Variants in PCDH9 observed in about 807,000 individuals in gnomAD.
PCDH9 encodes protocadherin 9.
A neutral mutation model predicts 70.6 loss-of-function variants in PCDH9; 24 were observed. The observed-to-expected ratio is 0.34, with a 90% CI of 0.25 to 0.48. The LOEUF is 0.48. PCDH9 is among the 20% of genes least tolerant of loss of function. The pLI is 0.99. For synonymous variants in PCDH9, 562 were observed against 558.5 expected (o/e 1.01, Z -0.09); for missense variants, 1,281 against 1,503.6 (o/e 0.85, Z 2.45).
intron 4 of PCDH9, among the ~76,000 whole-genome samples, chr13:66,545,817 T>TATTTA (rs1961162621): frequency 6.7e-6 from 1 of 148,810 alleles, no homozygotes; most frequent in Non-Finnish European, 1.5e-5. Context: ...TACTTTATTT[T>TATTTA]ATTTTATTTT....
chr13:66,384,387 GTTTT>G (rs1956894220), intron 4 of PCDH9, among the ~76,000 whole-genome samples: 2 of 152,012 alleles, frequency 1.3e-5, no homozygotes, highest in African/African-American at 2.4e-5. Flanking sequence ...ATGTTAAACT[GTTTT>G]TGTTGTTCTA....
chr13:67,150,254 C>T (rs936312722), intron 2 of PCDH9, among the ~76,000 whole-genome samples: 1 of 152,060 alleles, frequency 6.6e-6, no homozygotes. Context: ...CCAGGCTGGC[C>T]TCGAACTCCC....
chr13:66,712,607 AAG>A (rs1427486177), intron 3 of PCDH9, among the ~76,000 whole-genome samples: 1 of 152,192 alleles, frequency 6.6e-6, no homozygotes, highest in Non-Finnish European at 1.5e-5. Flanking sequence ...CCAAGCTTCA[AAG>A]AAGTCCTTTG....
chr13:67,099,819 T>G (rs1025847972), intron 2 of PCDH9, among the ~76,000 whole-genome samples: 1 of 152,202 alleles, frequency 6.6e-6, no homozygotes, highest in Non-Finnish European at 1.5e-5. Flanking sequence ...CAACCCTTCA[T>G]CTAGCTTCTT....
chr13:67,178,328 C>T (rs1335343840), intron 2 of PCDH9, among the ~76,000 whole-genome samples: 6 of 152,004 alleles, frequency 3.9e-5, no homozygotes, highest in Non-Finnish European at 8.8e-5. Flanking sequence ...TTCTTTATGT[C>T]TCAAGTCTTT....
At chr13:66,904,777 ATATATTTAAATATATGTTAAAGCAC>A (rs1381293292) in intron 2 of PCDH9, among the ~76,000 whole-genome samples, 1 of 151,966 alleles carries the variant, frequency 6.6e-6, no homozygotes, top group East Asian at 1.9e-4. Flanking sequence ...CCATCATTTT[ATATATTTAAATATATGTTAAAGCAC>A]TGTCATTACA....
intron 3 of PCDH9, among the ~76,000 whole-genome samples, chr13:66,734,912 A>C (rs1167403554): frequency 2.0e-5 from 3 of 152,194 alleles, no homozygotes; most frequent in Non-Finnish European, 4.4e-5. Context: ...TACCGAACGC[A>C]GTTGGTCCTT....
intron 2 of PCDH9, among the ~76,000 whole-genome samples, chr13:67,172,346 C>T (rs1477711091): frequency 1.3e-5 from 2 of 152,136 alleles, no homozygotes; most frequent in South Asian, 2.1e-4. Context: ...TTTCAGAAAA[C>T]TTGTAATGTC....
At chr13:66,848,013 AT>A (rs1295633159) in intron 3 of PCDH9, among the ~76,000 whole-genome samples, 4 of 152,176 alleles carry the variant, frequency 2.6e-5, no homozygotes, top group African/African-American at 9.6e-5. Context: ...ATGTGTGTTT[AT>A]GTTTTTAGTT....
Position 67,000,727 on chromosome 13 carries a change from C to T in PCDH9, c.3037-97122G>A, listed in dbSNP as rs556508429. On this transcript the variant is annotated intron_variant, in intron 2 of 4. Transcript: ENST00000377865. ...ATAATAGAATCAATATTTCTTTGTG[C>T]AGTAAGAAACTAATACCATTCTTAA... 4.3e-4 allele frequency among the ~76,000 whole-genome samples: 66 copies of T among 152,156 alleles called. 1 individual carries two copies. In the South Asian group the frequency reaches 0.013, roughly 30 times the overall value.
At chr13:67,134,968 G>A (rs2087199418) in intron 2 of PCDH9, among the ~76,000 whole-genome samples, 1 of 152,070 alleles carries the variant, frequency 6.6e-6, no homozygotes, top group Non-Finnish European at 1.5e-5. Flanking sequence ...CCAATGAAAA[G>A]TGAAAAGTGA....
At chr13:66,884,087 A>T (rs2081968365) in intron 3 of PCDH9, among the ~76,000 whole-genome samples, 1 of 151,438 alleles carries the variant, frequency 6.6e-6, no homozygotes, top group Admixed American at 6.6e-5. Flanking sequence ...TTTAGTAGAG[A>T]TGGTTTCACT....
At chr13:67,218,447 A>C (rs2089655559) in intron 2 of PCDH9, 1 of 152,090 alleles carries the variant, frequency 6.6e-6, no homozygotes, top group Non-Finnish European at 1.5e-5. Context: ...TAAAGATCCA[A>C]ATAGTCTGCA....
At chr13:66,409,654 A>T (rs1957338822) in intron 4 of PCDH9, among the ~76,000 whole-genome samples, 3 of 152,242 alleles carry the variant, frequency 2.0e-5, no homozygotes, top group Admixed American at 1.3e-4. Context: ...CTGGATTAAG[A>T]AAACCAGTTA....
chr13:66,867,155 T>C (rs2081591223), intron 3 of PCDH9, among the ~76,000 whole-genome samples: 2 of 152,102 alleles, frequency 1.3e-5, no homozygotes, highest in Non-Finnish European at 2.9e-5. Flanking sequence ...CTCTTGTTAG[T>C]GGTTATCTCT....
intron 4 of PCDH9, among the ~76,000 whole-genome samples, chr13:66,527,488 G>C (rs1339310642): frequency 1.3e-5 from 2 of 151,976 alleles, no homozygotes; most frequent in Non-Finnish European, 2.9e-5. Context: ...TACCATTAAG[G>C]TCCTTACATG....
intron 2 of PCDH9, among the ~76,000 whole-genome samples, chr13:67,105,024 G>C (rs1209033942): frequency 6.6e-6 from 1 of 151,700 alleles, no homozygotes; most frequent in Non-Finnish European, 1.5e-5. Flanking sequence ...TTCTCCCTTC[G>C]CTAACACTGC....
At chr13:66,773,604 T>C (rs992672899) in intron 3 of PCDH9, among the ~76,000 whole-genome samples, 2 of 149,840 alleles carry the variant, frequency 1.3e-5, no homozygotes, top group Admixed American at 1.3e-4. Context: ...CACTCCAGCC[T>C]GGGCGACAGA....
chr13:66,738,291 A>T (rs1390233681), intron 3 of PCDH9, among the ~76,000 whole-genome samples: 1 of 151,702 alleles, frequency 6.6e-6, no homozygotes, highest in African/African-American at 2.4e-5. Flanking sequence ...GCTGTCTGTT[A>T]GAAGGAAAAC....
Sources: gnomAD v4.1 joint callset for allele counts (sites outside exome capture counted in the v4.1 genomes callset) on GRCh38, gnomAD v4.1.1 for gene constraint, MANE v1.5 for transcripts, NCBI Gene and HGNC (gene_info 2026-07-23, HGNC 2026-07-21) for gene names.